CLBA1: variants seen among roughly 807,000 people sequenced by gnomAD.
CLBA1 encodes clathrin binding box of aftiphilin containing 1, also known as uncharacterized protein CLBA1.
In CLBA1, 30 loss-of-function variants were observed where a neutral mutation model predicts 28.8. That is an observed-to-expected ratio of 1.04 (90% CI 0.78 to 1.41). CLBA1 has a LOEUF of 1.41. Among genes scored for constraint, CLBA1 ranks in the 40% most tolerant of loss-of-function variants. CLBA1 has a pLI of 0.00. For missense variants in CLBA1, 451 were observed against 412.3 expected, an observed-to-expected ratio of 1.09 and a Z score of -0.81; for synonymous variants, 160 against 152.8, an observed-to-expected ratio of 1.05 and a Z score of -0.35.
At chr14:104,990,503 T>C (rs1177552654) in intron 2 of CLBA1, 1 of 152,342 alleles carries the variant, frequency 6.6e-6, no homozygotes, top group Non-Finnish European at 1.5e-5. Context: ...TTTGCTATGT[T>C]GCTCAGGCTG....
chr14:104,993,748 C>T (rs371947348), intron 4 of CLBA1: 10 of 985,308 alleles, frequency 1.0e-5, no homozygotes, highest in Middle Eastern at 5.2e-4. Flanking sequence ...TCCTGCTCAC[C>T]CTGGAGACCC....
Position 104,991,592 on chromosome 14 carries a change from T to C in CLBA1, c.671T>C (p.Leu224Pro). ...SESRCQENFF[L>P]VLGIDAAQKN... ...TCCCGTTGCCAGGAGAACTTCTTTC[T>C]TGTTCTCGGAATAGATGCTGCGCAG... Residue 224 changes from leucine (L) to proline (P), a missense_variant, in exon 3 of 5, where the codon CTT becomes CCT. Physicochemically the swap from Leu to Pro is moderately conservative, Grantham distance 98 (BLOSUM62 -3). Coordinates refer to ENST00000547315, the MANE Select transcript of CLBA1 (RefSeq NM_174891.4). 1.9e-6 allele frequency: 3 copies of C among 1,613,458 alleles called. No individual in the cohort carries two copies. The African/African-American group carries it at 4.0e-5, about 22-fold the overall frequency.
intron 2 of CLBA1, among the ~76,000 whole-genome samples, chr14:105,000,795 G>C (rs1900253211): frequency 6.6e-6 from 1 of 152,054 alleles, no homozygotes; most frequent in South Asian, 2.1e-4. Flanking sequence ...TGCACTGTTG[G>C]TGGGAGTGTA....
chr14:104,992,981 G>T lies in CLBA1; in HGVS notation c.733G>T (p.Asp245Tyr). 1.2e-6 allele frequency: 2 copies of T among 1,614,140 alleles called. No homozygotes were observed. The highest frequency in any genetic ancestry group is 1.7e-6 in the Non-Finnish European group (2 of 1,180,000). ...TGGAGGCCAGGGCCACATCATGGAA[G>T]ATTGTGACCTCAAAGAGCCTGAAGG... ...LSGGQGHIME[D>Y]CDLKEPEGLL... The change falls in exon 4 of 5, where the codon GAT becomes TAT. Residue 245 changes from aspartate (D) to tyrosine (Y), a missense_variant. By Grantham distance (160) the Asp-to-Tyr change is radical. Transcript: ENST00000547315.
chr14:104,986,323 C>A lies in CLBA1; in HGVS notation c.-109C>A. On this transcript the variant is annotated 5_prime_UTR_variant, in exon 1 of 5. Coordinates refer to ENST00000547315, the MANE Select transcript of CLBA1 (RefSeq NM_174891.4). ...GGGGCACTCCTGCAGCGTCCCCTGG[C>A]CCTCTCCAGGGCAGGGGAAGGTTGG... 1 of 1,204,312 alleles carries A rather than the reference C, an allele frequency of 8.3e-7. No individual in the cohort carries two copies. Among genetic ancestry groups the A allele is most frequent in the Non-Finnish European group, 1.1e-6 (1 of 874,972 alleles). 74.6% of individuals were successfully genotyped at this position (1,204,312 alleles called of 1,614,324 possible). A position where few individuals can be genotyped will look rare whatever the true frequency, so the allele number is the denominator to read the frequency against.
At chr14:104,992,723 A>ATTC (rs1900068767) in intron 3 of CLBA1, among the ~76,000 whole-genome samples, 1 of 152,128 alleles carries the variant, frequency 6.6e-6, no homozygotes, top group Non-Finnish European at 1.5e-5. Context: ...ATTCCCATTG[A>ATTC]GCAGTTGAGG....
downstream of CLBA1, among the ~76,000 whole-genome samples, chr14:104,995,894 G>A (rs1900148880): frequency 6.6e-6 from 1 of 152,198 alleles, no homozygotes; most frequent in African/African-American, 2.4e-5. Context: ...GGGGAAAGTG[G>A]GAATTTAGAG....
chr14:104,989,421 G>A, intron 2 of CLBA1: 1 of 392,300 alleles, frequency 2.5e-6, no homozygotes, highest in South Asian at 1.9e-5. Flanking sequence ...GGCCTGGGCA[G>A]TGGGCACAGG....
At chr14:104,991,260 C>A in intron 2 of CLBA1, 1 of 387,160 alleles carries the variant, frequency 2.6e-6, no homozygotes, top group Non-Finnish European at 4.8e-6. Flanking sequence ...TCCTGACCTC[C>A]TGATCTGTCA....
At chr14:104,989,737 A>G (rs1346578186) in intron 2 of CLBA1, 2 of 453,470 alleles carry the variant, frequency 4.4e-6, no homozygotes, top group Non-Finnish European at 8.9e-6. Context: ...CAGAGGGAGG[A>G]GGGAAGTGAA....
Position 104,989,475 on chromosome 14 carries a change from G to T in CLBA1, c.569+387G>T, listed in dbSNP as rs78772586. 236 of 412,600 alleles carry T rather than the reference G, an allele frequency of 5.7e-4. 2 individuals carry two copies. Among genetic ancestry groups the T allele is most frequent in the African/African-American group, 4.6e-3 (228 of 49,158 alleles). The allele number at this position is 412,600 out of a possible 1,614,324, so 25.6% of individuals were successfully genotyped here. A position where few individuals can be genotyped will look rare whatever the true frequency, so the allele number is the denominator to read the frequency against. ...GCTGAGTGGGCACCGGCTGCCTCATGGTTCTCAGCCACAGAGTTCTAGAAA... is the reference window on the plus strand; with the variant it reads ...GCTGAGTGGGCACCGGCTGCCTCATTGTTCTCAGCCACAGAGTTCTAGAAA... On this transcript the variant is annotated intron_variant, in intron 2 of 4. Coordinates refer to ENST00000547315, the MANE Select transcript of CLBA1 (RefSeq NM_174891.4).
At chr14:104,991,422 G>C (rs1175196697) in intron 2 of CLBA1, 69 bp from the exon 3 acceptor site, 6 of 1,596,024 alleles carry the variant, frequency 3.8e-6, no homozygotes, top group Non-Finnish European at 4.3e-6. Context: ...TGCGTGCCTC[G>C]GGCCGTGCCT....
At chr14:104,994,305 G>A in intron 4 of CLBA1, 1 of 985,412 alleles carries the variant, frequency 1.0e-6, no homozygotes, top group South Asian at 4.7e-5. Context: ...CCTCCACCAG[G>A]GAGTGCCAGA....
chr14:104,994,482 A>G, intron 4 of CLBA1, 116 bp from the exon 5 acceptor site: 1 of 1,444,988 alleles, frequency 6.9e-7, no homozygotes, highest in Non-Finnish European at 9.0e-7. Flanking sequence ...TAAGAGGAGA[A>G]CCAAGGAGAG....
downstream of CLBA1, chr14:104,999,312 TA>T: frequency 8.9e-6 from 8 of 893,970 alleles, no homozygotes; most frequent in Non-Finnish European, 1.1e-5. Flanking sequence ...TCCAAGCAGA[TA>T]ACTGAGCCGT....
At chr14:104,993,533 C>T (rs1566933884) in intron 4 of CLBA1, 14 of 985,308 alleles carry the variant, frequency 1.4e-5, no homozygotes, top group African/African-American at 1.2e-4. Flanking sequence ...TCTCATGAGC[C>T]GCGGTTCTTG....
intron 1 of CLBA1, among the ~76,000 whole-genome samples, chr14:104,988,429 C>T (rs556135475): frequency 6.6e-6 from 1 of 151,714 alleles, no homozygotes; most frequent in African/African-American, 2.4e-5. Context: ...GCCCCCCACC[C>T]GCCGGATTCA....
In CLBA1 at chr14:104,986,153, G is replaced by A. The variant is rs1375940529; in HGVS notation, c.-279G>A. The A allele has an allele frequency of 9.8e-6, 5 of 510,314 alleles. No individual in the cohort carries two copies. Among genetic ancestry groups the A allele is most frequent in the South Asian group, 4.4e-5 (2 of 45,154 alleles). 31.6% of individuals were successfully genotyped at this position (510,314 alleles called of 1,614,324 possible). On this transcript the variant is annotated 5_prime_UTR_variant, in exon 1 of 5. Coordinates refer to ENST00000547315, the MANE Select transcript of CLBA1 (RefSeq NM_174891.4). ...GCCGCCCCTCTCACACCTGCCGTGGGTCTGGTACGCGCCTCTGTGTCGGAC... is the reference window on the plus strand; with the variant it reads ...GCCGCCCCTCTCACACCTGCCGTGGATCTGGTACGCGCCTCTGTGTCGGAC...
rs1438226694 is a variant in CLBA1 at position 104,986,424 on chromosome 14, G to A, written c.-8G>A. ...CCATCGGGCCTCTGCTGGCCTGGGGGCTCCAAGATGCAAGGCCGGCGGGAG... is the reference window on the plus strand; with the variant it reads ...CCATCGGGCCTCTGCTGGCCTGGGGACTCCAAGATGCAAGGCCGGCGGGAG... On this transcript the variant is annotated 5_prime_UTR_variant, in exon 1 of 5. Coordinates refer to ENST00000547315, the MANE Select transcript of CLBA1 (RefSeq NM_174891.4). The A allele has an allele frequency of 3.7e-6, 6 of 1,610,838 alleles. No individual in the cohort carries two copies. Among genetic ancestry groups the A allele is most frequent in the Middle Eastern group, 1.6e-4 (1 of 6,080 alleles).
Sources: gnomAD v4.1 joint callset for allele counts (sites outside exome capture counted in the v4.1 genomes callset) on GRCh38, gnomAD v4.1.1 for gene constraint, MANE v1.5 for transcripts, NCBI Gene and HGNC (gene_info 2026-07-23, HGNC 2026-07-21) for gene names.